The following LSS variants were observed in gnomAD, a reference collection of about 807,000 sequenced individuals.
The protein encoded by LSS is lanosterol synthase, also known as 2,3-epoxysqualene-lanosterol cyclase.
Under a neutral mutation model 110.3 loss-of-function variants are expected in LSS, and 90 were observed. That is an observed-to-expected ratio of 0.82 (90% CI 0.69 to 0.97). The LOEUF (loss-of-function observed/expected upper bound fraction) is 0.97. Ranked by LOEUF, LSS falls within the 50% of genes least tolerant of loss-of-function variation. The pLI, the probability that LSS is intolerant of heterozygous loss-of-function variation, is 0.00. For missense variants in LSS, 927 were observed against 990.0 expected, an observed-to-expected ratio of 0.94 and a Z score of 0.85; for synonymous variants, 433 against 400.0, an observed-to-expected ratio of 1.08 and a Z score of -0.98.
chr21:46,215,038 G>A (rs2080181437), intron 9 of LSS, 142 bp downstream of exon 9: 5 of 708,330 alleles, frequency 7.1e-6, no homozygotes, highest in Admixed American at 4.2e-5. Context: ...AGACACTTGT[G>A]CGATCAGAGG....
chr21:46,210,645 A>C, intron 12 of LSS, 43 bp downstream of exon 12: 1 of 1,604,450 alleles, frequency 6.2e-7, no homozygotes, highest in Non-Finnish European at 8.5e-7. Flanking sequence ...TCACGTGCAC[A>C]GGAAGGTCAG....
intron 15 of LSS, 143 bp downstream of exon 15, chr21:46,207,285 C>G (rs980759466): frequency 2.0e-6 from 2 of 1,016,608 alleles, no homozygotes; most frequent in Admixed American, 4.8e-5. Flanking sequence ...CACAGTTCTC[C>G]ACATATAGAC....
At chr21:46,219,365 G>C in intron 6 of LSS, 111 bp downstream of exon 6, 4 of 634,424 alleles carry the variant, frequency 6.3e-6, no homozygotes, top group Non-Finnish European at 2.6e-6. Flanking sequence ...CCCACCCACA[G>C]AATGCCCACC....
chr21:46,198,721 C>T (rs1432481980), intron 17 of LSS, among the ~76,000 whole-genome samples: 2 of 151,168 alleles, frequency 1.3e-5, no homozygotes, highest in African/African-American at 4.9e-5. Flanking sequence ...CAGAAATAGA[C>T]CCATGCAAAT....
chr21:46,205,324 G>A (rs2080031762), intron 17 of LSS, among the ~76,000 whole-genome samples: 1 of 152,126 alleles, frequency 6.6e-6, no homozygotes, highest in South Asian at 2.1e-4. Flanking sequence ...AAGGCAACAC[G>A]AATTCCACAC....
At chr21:46,207,691 GC>G in intron 14 of LSS, 114 bp from the exon 15 acceptor site, 1 of 1,252,772 alleles carries the variant, frequency 8.0e-7, no homozygotes, top group Non-Finnish European at 1.1e-6. Context: ...CAGGGCAGGG[GC>G]CCAGCCACCA....
chr21:46,215,648 C>A (rs2080194886), intron 8 of LSS, 37 bp downstream of exon 8: 1 of 1,462,632 alleles, frequency 6.8e-7, no homozygotes, highest in South Asian at 1.2e-5. Context: ...TGACCCTGAC[C>A]CTGGGCTGCC....
intron 21 of LSS, 72 bp downstream of exon 21, chr21:46,191,809 G>A: frequency 7.8e-7 from 1 of 1,283,466 alleles, no homozygotes; most frequent in Non-Finnish European, 1.1e-6. Context: ...ACAGAGCAGG[G>A]GGACGTGGAA....
chr21:46,218,949 T>A (rs1411020429), intron 6 of LSS, among the ~76,000 whole-genome samples: 1 of 152,078 alleles, frequency 6.6e-6, no homozygotes, highest in Non-Finnish European at 1.5e-5. Context: ...ATGGTCTCGA[T>A]CCCTTGACCT....
Position 46,209,498 on chromosome 21 carries a change from C to T in LSS, c.1266+56G>A. On this transcript the variant is annotated intron_variant, in intron 13 of 21. Transcript: ENST00000397728. The surrounding 1 kb of genome is among the most constrained non-coding windows in gnomAD (Gnocchi z 4.4). ...AGGTGGGCACTTCTGCCTGCAGGAG[C>T]TCCCAGCCCTGATCCCCCTCTTCAG... is the stretch of plus-strand genomic sequence containing the variant. The T allele has an allele frequency of 6.7e-7, 1 of 1,495,356 alleles. No homozygotes were observed. The allele number at this position is 1,495,356 out of a possible 1,614,324, so 92.6% of individuals were successfully genotyped here.
At chr21:46,226,979 G>C (rs2080348523) in intron 3 of LSS, among the ~76,000 whole-genome samples, 1 of 152,208 alleles carries the variant, frequency 6.6e-6, no homozygotes, top group African/African-American at 2.4e-5. Context: ...AGGGAAAAAA[G>C]TCCTATTGCA....
intron 21 of LSS, among the ~76,000 whole-genome samples, chr21:46,191,511 G>A (rs1423572570): frequency 6.6e-6 from 1 of 152,130 alleles, no homozygotes. Flanking sequence ...CTCATCCCAG[G>A]GGAGGGCGGT....
At chr21:46,199,865 G>A (rs2079957787) in intron 17 of LSS, among the ~76,000 whole-genome samples, 1 of 152,170 alleles carries the variant, frequency 6.6e-6, no homozygotes, top group Admixed American at 6.5e-5. Context: ...TGCAGTGGTG[G>A]GCACGTGCAT....
chr21:46,213,105 G>T, intron 10 of LSS, 53 bp from the exon 11 acceptor site: 3 of 1,573,946 alleles, frequency 1.9e-6, no homozygotes, highest in Non-Finnish European at 2.6e-6. Context: ...TGGAAGCCCA[G>T]CTGCTACCCA....
intron 11 of LSS, among the ~76,000 whole-genome samples, chr21:46,212,654 TAAG>T (rs1376988190): frequency 1.3e-5 from 2 of 152,202 alleles, no homozygotes; most frequent in African/African-American, 2.4e-5. Flanking sequence ...CCAGGACCTT[TAAG>T]AAGAAGCCCC....
chr21:46,219,722 T>G (rs2080251626), intron 5 of LSS, 150 bp from the exon 6 acceptor site: 1 of 506,866 alleles, frequency 2.0e-6, no homozygotes, highest in Non-Finnish European at 3.5e-6. Flanking sequence ...GACCCCCATG[T>G]GCGAAGCAGG....
At chr21:46,222,250 C>T (rs2080288267) in intron 4 of LSS, 1 of 538,848 alleles carries the variant, frequency 1.9e-6, no homozygotes, top group African/African-American at 1.9e-5. Context: ...AAGGGCGGTC[C>T]ACTTTGGGCT....
intron 11 of LSS, among the ~76,000 whole-genome samples, chr21:46,212,348 A>G (rs1435048593): frequency 1.3e-5 from 2 of 152,236 alleles, no homozygotes; most frequent in Admixed American, 6.5e-5. Context: ...GGTGGGGGAC[A>G]GAAGACAGGC....
chr21:46,228,322 G>T (rs1569039946), intron 2 of LSS, 112 bp downstream of exon 2: 1 of 1,280,130 alleles, frequency 7.8e-7, no homozygotes, highest in Non-Finnish European at 1.1e-6. Context: ...TCGCCTTGGG[G>T]ATGGGCGTCG....
Sources: allele counts gnomAD v4.1 joint callset (sites outside exome capture counted in the v4.1 genomes callset), GRCh38; gene constraint gnomAD v4.1.1; non-coding constraint Gnocchi (gnomAD v3.1); transcripts MANE v1.5; gene names NCBI Gene and HGNC (gene_info 2026-07-23, HGNC 2026-07-21).